The following GPHN variants were observed in gnomAD, a reference collection of about 807,000 sequenced individuals.
GPHN encodes gephyrin.
GPHN carries 17 observed loss-of-function variants against 95.5 expected under a neutral mutation model. The observed-to-expected ratio is 0.18, with a 90% CI of 0.12 to 0.27. The LOEUF (loss-of-function observed/expected upper bound fraction) is 0.27. GPHN is among the 10% of genes least tolerant of loss of function. The pLI, the probability that GPHN is intolerant of heterozygous loss-of-function variation, is 1.00. For missense variants in GPHN, 660 were observed against 978.1 expected (o/e 0.67, Z 4.34); for synonymous variants, 320 against 322.5 (o/e 0.99, Z 0.08).
the GPHN span, among the ~76,000 whole-genome samples, chr14:67,643,987 T>C: frequency 1.7e-4 from 26 of 152,194 alleles, no homozygotes; most frequent in Admixed American, 1.2e-3. Flanking sequence ...TTTCTCAGTG[T>C]AGTCTCTGGA....
the GPHN span, among the ~76,000 whole-genome samples, chr14:67,439,326 A>G: frequency 6.6e-6 from 1 of 152,158 alleles, no homozygotes; most frequent in African/African-American, 2.4e-5. Context: ...GTAGGTTTTC[A>G]TCAGTATGTG....
chr14:66,698,057 T>C (rs1447773444), intron 2 of GPHN, among the ~76,000 whole-genome samples: 4 of 152,154 alleles, frequency 2.6e-5, no homozygotes, highest in Non-Finnish European at 5.9e-5. Context: ...GAAAGCACTT[T>C]GGAAATTGTG....
the GPHN span, among the ~76,000 whole-genome samples, chr14:67,274,740 C>G: frequency 6.6e-6 from 1 of 152,072 alleles, no homozygotes; most frequent in Non-Finnish European, 1.5e-5. Flanking sequence ...GATATTGATT[C>G]TTCCCATCCA....
At chr14:67,606,613 TAAA>T in the GPHN span, among the ~76,000 whole-genome samples, 6,387 of 152,212 alleles carry the variant, frequency 0.042, 454 homozygotes, top group African/African-American at 0.14. Context: ...AAAGGAAAGG[TAAA>T]AAAGCCCTGG....
chr14:67,600,034 G>A, the GPHN span: 1 of 1,571,024 alleles, frequency 6.4e-7, no homozygotes. Flanking sequence ...CTCGCAGAGG[G>A]TGAAGAGTCC....
At chr14:66,895,356 T>A (rs940024850) in intron 5 of GPHN, among the ~76,000 whole-genome samples, 5 of 152,100 alleles carry the variant, frequency 3.3e-5, no homozygotes, top group Non-Finnish European at 7.4e-5. Context: ...CGGGGCCTGT[T>A]GTGGGATGCG....
intron 1 of GPHN, among the ~76,000 whole-genome samples, chr14:66,670,706 C>G (rs1328005020): frequency 6.6e-6 from 1 of 152,168 alleles, no homozygotes; most frequent in African/African-American, 2.4e-5. Context: ...GGAGAAGGAT[C>G]ATTTGAGCCT....
the GPHN span, among the ~76,000 whole-genome samples, chr14:67,445,006 C>T: frequency 2.6e-5 from 4 of 152,288 alleles, no homozygotes; most frequent in South Asian, 8.3e-4. Context: ...AGTGATCTGC[C>T]CGCCTCGGCC....
chr14:67,490,614 T>C, the GPHN span, among the ~76,000 whole-genome samples: 1 of 152,214 alleles, frequency 6.6e-6, no homozygotes, highest in East Asian at 1.9e-4. Flanking sequence ...TCTCCTTTCC[T>C]ATAACTATTT....
chr14:67,473,516 G>C, the GPHN span: 2 of 1,614,176 alleles, frequency 1.2e-6, no homozygotes, highest in South Asian at 1.1e-5. The surrounding 1 kb of genome is among the most constrained non-coding windows in gnomAD (Gnocchi z 6.5). Context: ...GGGTGTTGCG[G>C]ATGATGAACT....
At position 67,058,690 on chromosome 14, in the gene GPHN, C is replaced by T. The variant is rs1802147143; in HGVS notation, c.1048C>T (p.Arg350Cys). Residue 350 changes from arginine (R) to cysteine (C), a missense_variant, in exon 11 of 23, where the codon CGC becomes TGC. Coordinates refer to ENST00000478722, the MANE Select transcript of GPHN (RefSeq NM_020806.5). Reference sequence around the variant, plus strand: ...TATCACCAAGGTGGCTAGAAGACATCGCATGTCTCCTTTTCCTCTGACATC... The same window carrying T: ...TATCACCAAGGTGGCTAGAAGACATTGCATGTCTCCTTTTCCTCTGACATC... ...VDITKVARRH[R>C]MSPFPLTSMD... The T allele has an allele frequency of 6.2e-7, 1 of 1,610,748 alleles. No homozygotes were observed. Among genetic ancestry groups the T allele is most frequent in the Non-Finnish European group, 8.5e-7 (1 of 1,176,902 alleles).
chr14:67,428,724 A>G, the GPHN span, among the ~76,000 whole-genome samples: 1 of 152,158 alleles, frequency 6.6e-6, no homozygotes, highest in Non-Finnish European at 1.5e-5. Flanking sequence ...ACCCTACTCA[A>G]CGCTGCCCCT....
intron 4 of GPHN, among the ~76,000 whole-genome samples, chr14:66,833,943 A>G (rs977454447): frequency 3.3e-5 from 5 of 152,162 alleles, no homozygotes; most frequent in Non-Finnish European, 7.4e-5. Context: ...GTTTGAAGAG[A>G]ACAAAGACCT....
intron 9 of GPHN, among the ~76,000 whole-genome samples, chr14:66,976,775 A>G (rs748582591): frequency 6.6e-6 from 1 of 152,184 alleles, no homozygotes; most frequent in Non-Finnish European, 1.5e-5. Flanking sequence ...TGAAAATAAA[A>G]TATTTACAAG....
At chr14:67,294,098 G>A in the GPHN span, among the ~76,000 whole-genome samples, 1 of 152,274 alleles carries the variant, frequency 6.6e-6, no homozygotes, top group African/African-American at 2.4e-5. Flanking sequence ...GATCAATTTT[G>A]AATATTAGTT....
intron 19 of GPHN, among the ~76,000 whole-genome samples, chr14:67,161,985 C>T (rs2082005915): frequency 1.3e-5 from 2 of 152,086 alleles, no homozygotes; most frequent in South Asian, 2.1e-4. Context: ...AACACTCTGA[C>T]TTCAGCCATT....
chr14:66,692,167 T>A (rs887150214), intron 2 of GPHN, among the ~76,000 whole-genome samples: 1 of 152,196 alleles, frequency 6.6e-6, no homozygotes, highest in African/African-American at 2.4e-5. Flanking sequence ...TTTGAATATA[T>A]CTTTACTTTA....
intron 1 of GPHN, among the ~76,000 whole-genome samples, chr14:66,648,985 A>C (rs2064898068): frequency 6.6e-6 from 1 of 152,190 alleles, no homozygotes; most frequent in Admixed American, 6.5e-5. Flanking sequence ...GTTTTGTTTG[A>C]TCTTACCCCT....
chr14:67,302,998 C>T, the GPHN span, among the ~76,000 whole-genome samples: 12 of 151,944 alleles, frequency 7.9e-5, no homozygotes, highest in Non-Finnish European at 1.5e-4. Context: ...CTGCAGTGTC[C>T]GGCATAATAA....
Sources: allele counts gnomAD v4.1 joint callset (sites outside exome capture counted in the v4.1 genomes callset), GRCh38; gene constraint gnomAD v4.1.1; non-coding constraint Gnocchi (gnomAD v3.1); transcripts MANE v1.5; gene names NCBI Gene and HGNC (gene_info 2026-07-23, HGNC 2026-07-21).